The following SNX1 variants were observed in gnomAD, a reference collection of about 807,000 sequenced individuals.
SNX1 encodes the protein sorting nexin-1.
In SNX1, 36 loss-of-function variants were observed where a neutral mutation model predicts 71.8. The ratio of observed to expected loss-of-function variants is 0.50; its 90% CI spans 0.38 to 0.66. SNX1 has a LOEUF of 0.66. Ranked by LOEUF, SNX1 falls within the 30% of genes least tolerant of loss-of-function variation. The pLI is 0.00. For synonymous variants in SNX1, 254 were observed against 240.7 expected, an observed-to-expected ratio of 1.06 and a Z score of -0.51; for missense variants, 612 against 646.7, an observed-to-expected ratio of 0.95 and a Z score of 0.58.
Position 64,142,277 on chromosome 15 carries a change from A to G in SNX1, c.*4659A>G. ...CAGGAGGTTGAGGTTGCAGTGAGCT[A>G]CAGTTGCGCCACTGCACTCCAGCCT... On this transcript the variant is annotated 3_prime_UTR_variant, in exon 15 of 15. Coordinates refer to ENST00000559844, the MANE Select transcript of SNX1 (RefSeq NM_003099.5). The G allele has an allele frequency of 5.1e-6, 1 of 196,806 alleles. No individual in the cohort carries two copies. The highest frequency in any genetic ancestry group is 8.4e-5 in the South Asian group (1 of 11,856). The allele number at this position is 196,806 out of a possible 1,614,324, so 12.2% of individuals were successfully genotyped here.
intron 2 of SNX1, among the ~76,000 whole-genome samples, chr15:64,115,340 C>G (rs2081118026): frequency 6.6e-6 from 1 of 152,182 alleles, no homozygotes; most frequent in Admixed American, 6.5e-5. Context: ...TAGTTTAGGA[C>G]TTCAGTAGCT....
Position 64,138,597 on chromosome 15 carries a change from C to T in SNX1, c.*979C>T, listed in dbSNP as rs949829833. 1 of 160,510 alleles carries T rather than the reference C, an allele frequency of 6.2e-6. No individual in the cohort carries two copies. The highest frequency in any genetic ancestry group is 1.4e-5 in the Non-Finnish European group (1 of 73,262). 9.9% of individuals were successfully genotyped at this position (160,510 alleles called of 1,614,324 possible). Reference sequence around the variant, plus strand: ...TAGGGTGATCCAAGAGCTCCTGAACCTTAGGAGGTTCAAAGAAGCTCTACT... The same window carrying T: ...TAGGGTGATCCAAGAGCTCCTGAACTTTAGGAGGTTCAAAGAAGCTCTACT... On this transcript the variant is annotated 3_prime_UTR_variant, in exon 15 of 15. Coordinates refer to ENST00000559844, the MANE Select transcript of SNX1 (RefSeq NM_003099.5).
chr15:64,137,532 TG>T, intron 14 of SNX1, 35 bp from the exon 15 acceptor site: 1 of 1,613,444 alleles, frequency 6.2e-7, no homozygotes, highest in South Asian at 1.1e-5. Context: ...TGCCACTAGG[TG>T]GGGGCACTTG....
intron 11 of SNX1, among the ~76,000 whole-genome samples, chr15:64,133,360 G>A (rs2081326410): frequency 6.6e-6 from 1 of 152,240 alleles, no homozygotes; most frequent in East Asian, 1.9e-4. Context: ...CAATCCTGGG[G>A]CAGGTGAATT....
At chr15:64,119,071 A>T (rs996444364) in intron 4 of SNX1, among the ~76,000 whole-genome samples, 3 of 151,586 alleles carry the variant, frequency 2.0e-5, no homozygotes, top group Admixed American at 2.0e-4. Flanking sequence ...CAGGAAGAAA[A>T]ATCAGAGTCA....
At chr15:64,106,500 C>T (rs2081023528) in intron 1 of SNX1, among the ~76,000 whole-genome samples, 1 of 152,184 alleles carries the variant, frequency 6.6e-6, no homozygotes, top group African/African-American at 2.4e-5. Context: ...TGCCCCCCTT[C>T]CTTTTCCCAA....
At chr15:64,116,712 A>C (rs1567323256) in intron 2 of SNX1, among the ~76,000 whole-genome samples, 1 of 152,244 alleles carries the variant, frequency 6.6e-6, no homozygotes, top group African/African-American at 2.4e-5. Context: ...CTGTTACTAA[A>C]AAAGAAAAAA....
At chr15:64,106,271 C>A (rs1391758734) in intron 1 of SNX1, among the ~76,000 whole-genome samples, 1 of 152,038 alleles carries the variant, frequency 6.6e-6, no homozygotes, top group East Asian at 1.9e-4. Context: ...CATAGATTAC[C>A]CCCTGAAGTA....
chr15:64,113,673 T>A (rs1401425538), intron 2 of SNX1, among the ~76,000 whole-genome samples: 8 of 151,990 alleles, frequency 5.3e-5, no homozygotes, highest in Admixed American at 3.9e-4. Flanking sequence ...TATAAAAAAT[T>A]AGCTGGATTC....
Position 64,137,875 on chromosome 15 carries a change from G to A in SNX1, c.*257G>A, listed in dbSNP as rs1175412266. The A allele has an allele frequency of 4.3e-6, 6 of 1,405,034 alleles. No individual in the cohort carries two copies. The African/African-American group carries it at 7.2e-5, about 17-fold the overall frequency. 87.0% of individuals were successfully genotyped at this position (1,405,034 alleles called of 1,614,324 possible). A position where few individuals can be genotyped will look rare whatever the true frequency, so the allele number is the denominator to read the frequency against. On this transcript the variant is annotated 3_prime_UTR_variant, in exon 15 of 15. Transcript: ENST00000559844. ...AGGTGGTGGAATTATGGGATGGGGT[G>A]GAGTATTGATATAAATATATAAATA...
chr15:64,119,355 C>G (rs1470032347), intron 4 of SNX1, among the ~76,000 whole-genome samples: 1 of 152,070 alleles, frequency 6.6e-6, no homozygotes, highest in East Asian at 1.9e-4. Context: ...CTCCTGGCCT[C>G]AAGTGATCCT....
At chr15:64,125,028 ATGAT>A (rs2081235740) in intron 5 of SNX1, among the ~76,000 whole-genome samples, 2 of 152,134 alleles carry the variant, frequency 1.3e-5, no homozygotes, top group Non-Finnish European at 2.9e-5. Flanking sequence ...GCTCTAGATT[ATGAT>A]ACTTTAGAGG....
intron 12 of SNX1, among the ~76,000 whole-genome samples, chr15:64,135,781 A>C: frequency 1.4e-5 from 2 of 145,510 alleles, no homozygotes; most frequent in African/African-American, 2.6e-5. Context: ...AAAAAATTAG[A>C]CGTGATGGCA....
Position 64,118,874 on chromosome 15 carries a change from C to T in SNX1, c.466+20C>T. The T allele has an allele frequency of 6.3e-7, 1 of 1,589,758 alleles. No individual in the cohort carries two copies. Among genetic ancestry groups the T allele is most frequent in the Non-Finnish European group, 8.6e-7 (1 of 1,159,930 alleles). ...AGATAGGTAAGTGGTTCTTAGGACTCCTTGTGATGTTAGGATGTGGCTGTG... is the reference window on the plus strand; with the variant it reads ...AGATAGGTAAGTGGTTCTTAGGACTTCTTGTGATGTTAGGATGTGGCTGTG... On this transcript the variant is annotated intron_variant, in intron 4 of 14. Transcript: ENST00000559844.
At chr15:64,131,654 A>G in intron 10 of SNX1, 33 bp from the exon 11 acceptor site, 1 of 1,603,036 alleles carries the variant, frequency 6.2e-7, no homozygotes, top group Non-Finnish European at 8.5e-7. Context: ...TTGTGAGATC[A>G]GAGAGGCCTC....
chr15:64,118,341 T>A, intron 3 of SNX1, 97 bp downstream of exon 3: 1 of 1,307,896 alleles, frequency 7.6e-7, no homozygotes, highest in Non-Finnish European at 1.1e-6. Flanking sequence ...GAGAAAATAT[T>A]TGTTACTCTT....
At position 64,141,037 on chromosome 15, in the gene SNX1, G is replaced by GATAGAT. The variant is rs1567337313; in HGVS notation, c.*3421_*3426dup. ...GATAGATAGATAGATGATAGATATA[G>GATAGAT]ATAGATAGATAGATTGATTGATTTG... On this transcript the variant is annotated 3_prime_UTR_variant, in exon 15 of 15. Coordinates refer to ENST00000559844, the MANE Select transcript of SNX1 (RefSeq NM_003099.5). This position sits in a 1 kb window ranked among gnomAD's most constrained non-coding sequence, Gnocchi z 5.1. 3 of 131,488 alleles carry GATAGAT rather than the reference G, an allele frequency of 2.3e-5. No homozygotes were observed. Among genetic ancestry groups the GATAGAT allele is most frequent in the African/African-American group, 1.0e-4 (3 of 28,936 alleles). 8.1% of individuals were successfully genotyped at this position (131,488 alleles called of 1,614,324 possible).
intron 2 of SNX1, among the ~76,000 whole-genome samples, chr15:64,117,828 G>T (rs2081146891): frequency 6.6e-6 from 1 of 152,158 alleles, no homozygotes; most frequent in Non-Finnish European, 1.5e-5. Flanking sequence ...TTTTGGCTGT[G>T]TTGTCTTTTT....
chr15:64,109,658 C>G (rs958703674), intron 1 of SNX1, among the ~76,000 whole-genome samples: 5 of 152,090 alleles, frequency 3.3e-5, no homozygotes. Flanking sequence ...CAGGTACCCA[C>G]CAACACACCC....
Sources: allele counts gnomAD v4.1 joint callset (sites outside exome capture counted in the v4.1 genomes callset), GRCh38; gene constraint gnomAD v4.1.1; non-coding constraint Gnocchi (gnomAD v3.1); transcripts MANE v1.5; gene names NCBI Gene and HGNC (gene_info 2026-07-23, HGNC 2026-07-21).